The following LRGUK variants were observed in gnomAD, a reference collection of about 807,000 sequenced individuals.
LRGUK encodes the protein leucine-rich repeat and guanylate kinase domain-containing protein.
LRGUK carries 65 observed loss-of-function variants against 76.0 expected under a neutral mutation model. The observed-to-expected ratio is 0.85, with a 90% CI of 0.70 to 1.05. The LOEUF is 1.05. LRGUK is among the 50% of genes least tolerant of loss of function. The pLI is 0.00. For missense variants in LRGUK, 758 were observed against 732.8 expected (o/e 1.03, Z -0.40); for synonymous variants, 268 against 265.6 (o/e 1.01, Z -0.09).
chr7:134,233,553 C>G (rs1022245735), intron 16 of LRGUK, among the ~76,000 whole-genome samples: 3 of 152,178 alleles, frequency 2.0e-5, no homozygotes, highest in Admixed American at 6.5e-5. Context: ...TAGGCACTTG[C>G]ATCCACCAAG....
chr7:134,199,175 A>G (rs762647467), intron 13 of LRGUK, 45 bp from the exon 14 acceptor site: 6 of 1,524,128 alleles, frequency 3.9e-6, no homozygotes, highest in Non-Finnish European at 5.5e-6. Context: ...TGATTTCTAA[A>G]TCATGTATCT....
chr7:134,215,957 G>A (rs1801426840), intron 15 of LRGUK, among the ~76,000 whole-genome samples: 1 of 152,140 alleles, frequency 6.6e-6, no homozygotes, highest in Non-Finnish European at 1.5e-5. Flanking sequence ...ATTTGCAAAA[G>A]CTGAAGACTT....
intron 6 of LRGUK, 86 bp from the exon 7 acceptor site, chr7:134,163,311 G>C (rs1360590661): frequency 5.8e-6 from 7 of 1,208,820 alleles, no homozygotes; most frequent in Non-Finnish European, 6.9e-6. Flanking sequence ...AGAGAGATTT[G>C]GGTCAGTATC....
downstream of LRGUK, among the ~76,000 whole-genome samples, chr7:134,266,908 A>G (rs992510770): frequency 2.0e-5 from 3 of 152,198 alleles, no homozygotes; most frequent in Non-Finnish European, 2.9e-5. Context: ...GAGGGAAATT[A>G]TATCTTAATT....
At chr7:134,169,133 G>GACACACACACAC (rs36204942) in intron 7 of LRGUK, among the ~76,000 whole-genome samples, 7 of 135,594 alleles carry the variant, frequency 5.2e-5, no homozygotes, top group African/African-American at 2.0e-4. Flanking sequence ...AAGGGAAGAA[G>GACACACACACAC]ACACACACAC....
chr7:134,203,258 G>GT (rs2117098984), intron 15 of LRGUK, among the ~76,000 whole-genome samples: 1 of 152,198 alleles, frequency 6.6e-6, no homozygotes, highest in Admixed American at 6.5e-5. Context: ...TGCCACCATA[G>GT]TAAGTTTTAA....
At chr7:134,191,515 C>A in intron 11 of LRGUK, 140 bp from the exon 12 acceptor site, 1 of 652,294 alleles carries the variant, frequency 1.5e-6, no homozygotes. Context: ...TCGAAACCAA[C>A]ATATTCTTAC....
intron 16 of LRGUK, among the ~76,000 whole-genome samples, chr7:134,237,493 T>C: frequency 1.3e-5 from 2 of 152,332 alleles, no homozygotes; most frequent in Middle Eastern, 6.8e-3. Context: ...TTTATCCTTA[T>C]TGAAATTCAT....
At chr7:134,266,026 A>G (rs1316025370), downstream of LRGUK, among the ~76,000 whole-genome samples, 1 of 152,120 alleles carries the variant, frequency 6.6e-6, no homozygotes, top group African/African-American at 2.4e-5. Flanking sequence ...AGCGTTAATG[A>G]GGCATCACTG....
chr7:134,202,831 T>C (rs1287778885), intron 15 of LRGUK, among the ~76,000 whole-genome samples: 3 of 152,140 alleles, frequency 2.0e-5, no homozygotes, highest in African/African-American at 7.2e-5. Flanking sequence ...TTTGAGAAGA[T>C]GAAAAGAGTT....
At chr7:134,162,022 T>A (rs1798765959) in intron 6 of LRGUK, among the ~76,000 whole-genome samples, 1 of 152,124 alleles carries the variant, frequency 6.6e-6, no homozygotes. Context: ...TATATGGAGA[T>A]TGAGGAAGAA....
Position 134,166,038 on chromosome 7 carries a change from G to A in LRGUK, c.939+2498G>A, listed in dbSNP as rs557249188. Among the ~76,000 whole-genome samples, 7 of 151,876 alleles carry A rather than the reference G, an allele frequency of 4.6e-5. No homozygotes were observed. In the East Asian group the frequency reaches 1.2e-3, roughly 25 times the overall value. On this transcript the variant is annotated intron_variant, in intron 7 of 15. Transcript: ENST00000645682. ...CCCGACTCCCCCTGGGCAGGTTGAG[G>A]AGCAACCCGCAGGCTCCCCAAATAT...
At chr7:134,155,977 A>G (rs1417643772) in intron 5 of LRGUK, among the ~76,000 whole-genome samples, 1 of 152,248 alleles carries the variant, frequency 6.6e-6, no homozygotes, top group Non-Finnish European at 1.5e-5. Flanking sequence ...TGGTTTGTCT[A>G]GAATACATAC....
chr7:134,189,123 T>C (rs1800093083), intron 11 of LRGUK, among the ~76,000 whole-genome samples: 1 of 152,150 alleles, frequency 6.6e-6, no homozygotes, highest in South Asian at 2.1e-4. Flanking sequence ...AGGACCAGAG[T>C]TGGAGTCTGG....
In LRGUK at chr7:134,258,695, C is replaced by CAA. The variant is rs201252976; in HGVS notation, c.2347+300_2347+301dup. Among the ~76,000 whole-genome samples, 630 of 134,294 alleles carry CAA rather than the reference C, an allele frequency of 4.7e-3. 3 individuals carry two copies. Among genetic ancestry groups the CAA allele is most frequent in the African/African-American group, 0.016 (581 of 35,948 alleles). 88.1% of individuals were successfully genotyped at this position (134,294 alleles called of 152,430 possible). ...GGGTAACAAGAGCAAAACTCCGTCT[C>CAA]AAAAAAAAAAAGGTATGCGTTGTTT... On this transcript the variant is annotated intron_variant, in intron 19 of 19. Transcript: ENST00000285928.
intron 18 of LRGUK, among the ~76,000 whole-genome samples, chr7:134,257,564 C>T (rs1162319682): frequency 3.9e-5 from 6 of 152,092 alleles, no homozygotes; most frequent in Admixed American, 1.3e-4. Context: ...CCAGTACTTT[C>T]GGAGGCCGAG....
chr7:134,167,337 C>G (rs1799035502), intron 7 of LRGUK, among the ~76,000 whole-genome samples: 1 of 152,210 alleles, frequency 6.6e-6, no homozygotes, highest in South Asian at 2.1e-4. Context: ...TTTGAACTCT[C>G]AGACCAAGGT....
intron 1 of LRGUK, among the ~76,000 whole-genome samples, chr7:134,131,799 G>T (rs773173321): frequency 5.4e-4 from 82 of 152,242 alleles, no homozygotes; most frequent in Non-Finnish European, 9.3e-4. Context: ...TAAGGAGTTG[G>T]ATATATGAAC....
intron 2 of LRGUK, among the ~76,000 whole-genome samples, chr7:134,138,747 A>C (rs533788589): frequency 6.6e-6 from 1 of 152,284 alleles, no homozygotes; most frequent in South Asian, 2.1e-4. Flanking sequence ...CACTCAACCA[A>C]ATTCCCCTCA....
Sources: gnomAD v4.1 joint callset for allele counts (sites outside exome capture counted in the v4.1 genomes callset) on GRCh38, gnomAD v4.1.1 for gene constraint, MANE v1.5 for transcripts, NCBI Gene and HGNC (gene_info 2026-07-23, HGNC 2026-07-21) for gene names.